Variants in ITPR2 observed in about 807,000 individuals in gnomAD.
ITPR2 encodes inositol 1,4,5-trisphosphate receptor type 2.
A neutral mutation model predicts 317.1 loss-of-function variants in ITPR2; 207 were observed. The observed-to-expected ratio is 0.65, with a 90% CI of 0.58 to 0.73. The LOEUF (loss-of-function observed/expected upper bound fraction) is 0.73, where lower values mean the gene tolerates loss of function less well. Ranked by LOEUF, ITPR2 falls within the 30% of genes least tolerant of loss-of-function variation. ITPR2 has a pLI of 0.00. For missense variants in ITPR2, 2,613 were observed against 3,284.0 expected, an observed-to-expected ratio of 0.80 and a Z score of 4.99; for synonymous variants, 1,156 against 1,149.1, an observed-to-expected ratio of 1.01 and a Z score of -0.12.
In ITPR2 at chr12:26,483,771, T is replaced by C; in HGVS notation, c.5939A>G (p.Lys1980Arg). 1 of 1,614,106 alleles carries C rather than the reference T, an allele frequency of 6.2e-7. No homozygotes were observed. Among genetic ancestry groups the C allele is most frequent in the East Asian group, 2.2e-5 (1 of 44,888 alleles). ...GTTCTGGTTGACCAGCGCTACATTC[T>C]TCTCATTGATGTAGAGACCCAACAG... ...LGLLGLYINE[K>R]NVALVNQNLE... The change falls in exon 42 of 57, where the codon AAG becomes AGG. Residue 1980 changes from lysine (K) to arginine (R), a missense_variant. By Grantham distance (26) the Lys-to-Arg change is conservative. Around this residue, in one of 9 missense-constraint regions of ITPR2, gnomAD observed 926 missense variants for 1,072.8 expected, o/e 0.86. Transcript: ENST00000381340.
chr12:26,689,323 G>C (rs543956227), intron 10 of ITPR2, among the ~76,000 whole-genome samples: 1 of 152,216 alleles, frequency 6.6e-6, no homozygotes, highest in African/African-American at 2.4e-5. Flanking sequence ...AGCCTGTAGT[G>C]GGAGGATCAC....
chr12:26,771,810 G>T (rs1457980835), intron 2 of ITPR2, among the ~76,000 whole-genome samples: 1 of 152,064 alleles, frequency 6.6e-6, no homozygotes, highest in Non-Finnish European at 1.5e-5. Flanking sequence ...ACCGTGCCTG[G>T]CCTGTTTGTT....
intron 45 of ITPR2, among the ~76,000 whole-genome samples, chr12:26,451,101 G>A (rs763199243): frequency 3.9e-5 from 6 of 152,080 alleles, no homozygotes; most frequent in Non-Finnish European, 8.8e-5. Flanking sequence ...AAGAAGCAAT[G>A]TTCATGTTTC....
At chr12:26,594,490 T>C (rs761108316) in intron 32 of ITPR2, among the ~76,000 whole-genome samples, 7 of 151,926 alleles carry the variant, frequency 4.6e-5, no homozygotes, top group Non-Finnish European at 7.4e-5. Flanking sequence ...ATTGAGATAA[T>C]GAAAATATGG....
chr12:26,499,784 C>T (rs2136886758), intron 37 of ITPR2, among the ~76,000 whole-genome samples: 1 of 152,222 alleles, frequency 6.6e-6, no homozygotes, highest in Non-Finnish European at 1.5e-5. Context: ...ATAAACTGCC[C>T]CTAAATCCTA....
chr12:26,526,567 A>C (rs1334816498), intron 37 of ITPR2, among the ~76,000 whole-genome samples: 1 of 152,222 alleles, frequency 6.6e-6, no homozygotes, highest in Non-Finnish European at 1.5e-5. Context: ...ACAGAAAAAC[A>C]TCAAAGGGTT....
chr12:26,677,256 A>C (rs1424488461), intron 13 of ITPR2, among the ~76,000 whole-genome samples: 1 of 152,206 alleles, frequency 6.6e-6, no homozygotes, highest in Non-Finnish European at 1.5e-5. Context: ...AAAAATAAAA[A>C]TGCATTCAAA....
chr12:26,678,115 T>C (rs191443847), intron 13 of ITPR2, among the ~76,000 whole-genome samples: 14 of 152,262 alleles, frequency 9.2e-5, no homozygotes, highest in African/African-American at 3.1e-4. Flanking sequence ...CTCTCACTGT[T>C]TGAGAGTAAC....
chr12:26,624,878 C>G (rs1263271973), intron 23 of ITPR2, among the ~76,000 whole-genome samples: 1 of 151,856 alleles, frequency 6.6e-6, no homozygotes, highest in Admixed American at 6.6e-5. Flanking sequence ...AAAGAGATAT[C>G]TGCATTTCCA....
chr12:26,767,579 G>C (rs1345803713), intron 2 of ITPR2, among the ~76,000 whole-genome samples: 4 of 152,098 alleles, frequency 2.6e-5, no homozygotes, highest in Admixed American at 6.6e-5. Flanking sequence ...TTATCATTTT[G>C]TTATGTATCT....
At chr12:26,823,521 C>T (rs753795505) in intron 1 of ITPR2, among the ~76,000 whole-genome samples, 3 of 152,166 alleles carry the variant, frequency 2.0e-5, no homozygotes, top group Non-Finnish European at 4.4e-5. Flanking sequence ...CATCTCTTTA[C>T]ACATATTGCC....
chr12:26,414,935 T>C (rs1187176072), intron 51 of ITPR2, among the ~76,000 whole-genome samples: 1 of 152,162 alleles, frequency 6.6e-6, no homozygotes, highest in African/African-American at 2.4e-5. Context: ...GAATAATGAT[T>C]GTGAATGATG....
At chr12:26,584,642 T>C (rs1012331298) in intron 32 of ITPR2, among the ~76,000 whole-genome samples, 11 of 152,204 alleles carry the variant, frequency 7.2e-5, no homozygotes, top group Non-Finnish European at 1.6e-4. Flanking sequence ...TGATGTCCAA[T>C]ATGGTAGCCA....
chr12:26,796,755 C>T (rs758464997), intron 1 of ITPR2, among the ~76,000 whole-genome samples: 1 of 152,140 alleles, frequency 6.6e-6, no homozygotes, highest in Non-Finnish European at 1.5e-5. Context: ...CTAGGCCAGG[C>T]GTGGCAGCTC....
At chr12:26,511,447 T>C (rs557101667) in intron 37 of ITPR2, among the ~76,000 whole-genome samples, 5 of 152,344 alleles carry the variant, frequency 3.3e-5, no homozygotes, top group African/African-American at 1.2e-4. Context: ...GTTGGTATGA[T>C]TTTCTCACTA....
At chr12:26,470,100 T>C (rs966748053) in intron 45 of ITPR2, among the ~76,000 whole-genome samples, 2 of 152,198 alleles carry the variant, frequency 1.3e-5, no homozygotes, top group African/African-American at 2.4e-5. Context: ...GCCTTGAAGA[T>C]GGCTAGATTT....
chr12:26,368,623 A>G (rs1939091434), intron 55 of ITPR2, among the ~76,000 whole-genome samples: 1 of 152,168 alleles, frequency 6.6e-6, no homozygotes, highest in Admixed American at 6.5e-5. Flanking sequence ...GCTGCCATAC[A>G]TTTTTACTCT....
chr12:26,718,803 G>C (rs1404620590), intron 5 of ITPR2, among the ~76,000 whole-genome samples: 1 of 151,888 alleles, frequency 6.6e-6, no homozygotes. Flanking sequence ...GTAGATACGG[G>C]GTTTCACTAC....
At chr12:26,351,154 G>A (rs971320121) in intron 55 of ITPR2, among the ~76,000 whole-genome samples, 2 of 152,228 alleles carry the variant, frequency 1.3e-5, no homozygotes, top group African/African-American at 2.4e-5. Context: ...TTGCTGGGAG[G>A]CTCTGGGGAC....
Sources: gnomAD v4.1 joint callset for allele counts (sites outside exome capture counted in the v4.1 genomes callset) on GRCh38, gnomAD v4.1.1 for gene constraint, gnomAD v4.1.1 regional missense constraint, MANE v1.5 for transcripts, NCBI Gene and HGNC (gene_info 2026-07-23, HGNC 2026-07-21) for gene names.